The following CSMD3 variants were observed in gnomAD, a reference collection of about 807,000 sequenced individuals.
CSMD3 encodes CUB and Sushi multiple domains 3.
Under a neutral mutation model 435.2 loss-of-function variants are expected in CSMD3, and 177 were observed. That is an observed-to-expected ratio of 0.41 (90% confidence interval 0.36 to 0.46). CSMD3 has a LOEUF of 0.46. CSMD3 is among the 20% of genes least tolerant of loss of function. The pLI is 0.34. For synonymous variants in CSMD3, 1,656 were observed against 1,520.5 expected, an observed-to-expected ratio of 1.09 and a Z score of -2.07; for missense variants, 4,265 against 4,504.6, an observed-to-expected ratio of 0.95 and a Z score of 1.52.
In CSMD3 at chr8:112,682,631, C is replaced by G. The variant is rs760208364; in HGVS notation, c.2488G>C (p.Gly830Arg). 3 of 1,606,198 alleles carry G rather than the reference C, an allele frequency of 1.9e-6. No homozygotes were observed. The highest frequency in any genetic ancestry group is 2.6e-6 in the Non-Finnish European group (3 of 1,172,974). ...CCAGGATCAGGGCATTCATTATGTC[C>G]AAATGCTTTAGAATAATATGCAAAG... ...RGFNITYNTFGHNECPDPGIP... is the reference protein window; with the variant it reads ...RGFNITYNTFRHNECPDPGIP... The change falls in exon 16 of 71, where the codon GGA becomes CGA. Residue 830 changes from glycine (G) to arginine (R), a missense_variant. Gly to Arg is a moderately radical substitution (Grantham distance 125). This residue lies in a region of CSMD3 where 279 missense variants were observed against 369.0 expected (regional missense o/e 0.76). Transcript: ENST00000297405.
At chr8:113,392,654 A>G (rs1039778168) in intron 1 of CSMD3, among the ~76,000 whole-genome samples, 3 of 152,112 alleles carry the variant, frequency 2.0e-5, no homozygotes, top group Admixed American at 6.6e-5. Flanking sequence ...TAGATTCTCA[A>G]CTATTAGAGA....
At chr8:112,806,321 CT>C (rs1255955771) in intron 12 of CSMD3, among the ~76,000 whole-genome samples, 1 of 152,154 alleles carries the variant, frequency 6.6e-6, no homozygotes, top group Non-Finnish European at 1.5e-5. Flanking sequence ...GGAATTTTAA[CT>C]CAAAAGTTGG....
intron 7 of CSMD3, among the ~76,000 whole-genome samples, chr8:112,959,829 C>G (rs992556295): frequency 6.6e-6 from 1 of 151,848 alleles, no homozygotes; most frequent in Non-Finnish European, 1.5e-5. Context: ...AGTACTAAGA[C>G]TAATCAGTCA....
chr8:113,133,924 G>T (rs2091350774), intron 4 of CSMD3, among the ~76,000 whole-genome samples: 1 of 151,978 alleles, frequency 6.6e-6, no homozygotes, highest in Non-Finnish European at 1.5e-5. Flanking sequence ...TTGTTTAACA[G>T]GTATAGAGTT....
chr8:112,404,193 T>TA (rs928704459), intron 35 of CSMD3, among the ~76,000 whole-genome samples: 36 of 151,912 alleles, frequency 2.4e-4, no homozygotes, highest in South Asian at 8.3e-4. Context: ...ATTTAAATGG[T>TA]AAAAAAAATA....
At chr8:112,688,961 C>T (rs1008209892) in intron 14 of CSMD3, among the ~76,000 whole-genome samples, 1 of 151,964 alleles carries the variant, frequency 6.6e-6, no homozygotes, top group Admixed American at 6.6e-5. Context: ...ATTAAGCCAA[C>T]GTTGTCCTCC....
At chr8:113,228,319 C>T (rs1306396706) in intron 3 of CSMD3, among the ~76,000 whole-genome samples, 1 of 151,426 alleles carries the variant, frequency 6.6e-6, no homozygotes, top group Non-Finnish European at 1.5e-5. Flanking sequence ...CAAAAGGAAA[C>T]CTGAATTATG....
chr8:112,295,750 T>C (rs2130712099), intron 54 of CSMD3, 83 bp downstream of exon 54: 1 of 1,126,600 alleles, frequency 8.9e-7, no homozygotes, highest in Admixed American at 1.9e-5. Context: ...AACAACATAA[T>C]ATATATATTC....
chr8:112,245,281 T>C lies in CSMD3; in HGVS notation c.10223-708A>G, dbSNP rs547691758. ...TTCCCCTTATTTCATCGGTTTTATG[T>C]CTTATAAAGACCATTCCTTTCTCCG... On this transcript the variant is annotated intron_variant, in intron 64 of 70. Transcript: ENST00000297405. Among the ~76,000 whole-genome samples, 4 of 152,226 alleles carry C rather than the reference T, an allele frequency of 2.6e-5. No individual in the cohort carries two copies. The South Asian group carries it at 8.3e-4, about 32-fold the overall frequency.
Position 112,466,433 on chromosome 8 carries a change from A to G in CSMD3, c.5395+6158T>C, listed in dbSNP as rs76387706. The stretch of plus-strand genomic sequence containing the variant: ...AAAAAACTCACAGACATAAGACCAA[A>G]GAGTAAATGGTCAAATATATGTGTG... On this transcript the variant is annotated intron_variant, in intron 32 of 70. Transcript: ENST00000297405. 3.3e-5 allele frequency among the ~76,000 whole-genome samples: 5 copies of G among 152,312 alleles called. No individual in the cohort carries two copies. In the East Asian group the frequency reaches 9.7e-4, roughly 29 times the overall value.
chr8:112,765,233 G>T (rs2077947373), intron 13 of CSMD3, among the ~76,000 whole-genome samples: 1 of 151,550 alleles, frequency 6.6e-6, no homozygotes, highest in Non-Finnish European at 1.5e-5. Flanking sequence ...AAATCAGAGG[G>T]ATGATTTTTA....
At chr8:112,608,133 A>C (rs915199457) in intron 22 of CSMD3, among the ~76,000 whole-genome samples, 1 of 152,164 alleles carries the variant, frequency 6.6e-6, no homozygotes, top group Non-Finnish European at 1.5e-5. Flanking sequence ...TAACATATAA[A>C]AATTAGTTGT....
intron 32 of CSMD3, among the ~76,000 whole-genome samples, chr8:112,414,167 G>A (rs894927188): frequency 1.8e-4 from 28 of 152,156 alleles, no homozygotes; most frequent in African/African-American, 6.5e-4. Context: ...CATCAGAGTA[G>A]TTCATATGCC....
intron 54 of CSMD3, 86 bp from the exon 55 acceptor site, chr8:112,292,796 A>C (rs1363136470): frequency 1.6e-5 from 19 of 1,177,208 alleles, no homozygotes; most frequent in East Asian, 9.9e-5. Context: ...ATTATACTTA[A>C]TCATTTCAAA....
chr8:113,242,059 C>A (rs528721334), intron 3 of CSMD3, among the ~76,000 whole-genome samples: 1 of 151,252 alleles, frequency 6.6e-6, no homozygotes, highest in East Asian at 1.9e-4. Flanking sequence ...AATAGTTTGA[C>A]TTTTTCCCAA....
rs758261887 is a variant in CSMD3 at position 112,337,586 on chromosome 8, G to A, written c.6798C>T (p.His2266=). The A allele has an allele frequency of 6.2e-6, 10 of 1,613,652 alleles. No individual in the cohort carries two copies. The highest frequency in any genetic ancestry group is 2.2e-5 in the East Asian group (1 of 44,866). Residue 2266 remains histidine (H), a synonymous_variant, in exon 43 of 71, where the codon CAC becomes CAT. Coordinates refer to ENST00000297405, the MANE Select transcript of CSMD3 (RefSeq NM_198123.2). ...GATGATTCCAATTACGACTGACTCC[G>A]TGAAGGCATGTGAGAGCTGAATTTC... The part of the protein sequence containing the change: ...LIGNSALTCL[H]GVSRNWNHPL...
chr8:112,793,533 T>A (rs1484754748), intron 13 of CSMD3, among the ~76,000 whole-genome samples: 1 of 152,092 alleles, frequency 6.6e-6, no homozygotes, highest in Non-Finnish European at 1.5e-5. Flanking sequence ...CAAATTAAAA[T>A]TAACAAAGTT....
At chr8:112,275,805 G>C (rs12056596) in intron 59 of CSMD3, among the ~76,000 whole-genome samples, 2 of 152,012 alleles carry the variant, frequency 1.3e-5, no homozygotes, top group Admixed American at 6.6e-5. Context: ...ACAAAATGTC[G>C]AAATTATGGG....
chr8:112,789,181 G>A (rs956080628), intron 13 of CSMD3, among the ~76,000 whole-genome samples: 3 of 152,072 alleles, frequency 2.0e-5, no homozygotes, highest in African/African-American at 7.2e-5. Flanking sequence ...AGACAATAAG[G>A]TATCAAATTT....
Sources: allele counts gnomAD v4.1 joint callset (sites outside exome capture counted in the v4.1 genomes callset), GRCh38; gene constraint gnomAD v4.1.1; regional missense constraint gnomAD v4.1.1; transcripts MANE v1.5; gene names NCBI Gene and HGNC (gene_info 2026-07-23, HGNC 2026-07-21).